The following HTRA3 variants were observed in gnomAD, a reference collection of about 807,000 sequenced individuals.
The protein encoded by HTRA3 is serine protease HTRA3.
HTRA3 carries 41 observed loss-of-function variants against 43.2 expected under a neutral mutation model. The ratio of observed to expected loss-of-function variants is 0.95; its 90% CI spans 0.74 to 1.23. HTRA3 has a LOEUF of 1.23. HTRA3 is among the 50% of genes most tolerant of loss of function. The pLI, the probability that HTRA3 is intolerant of heterozygous loss-of-function variation, is 0.00. For missense variants in HTRA3, 628 were observed against 647.1 expected (o/e 0.97, Z 0.32); for synonymous variants, 295 against 287.9 (o/e 1.02, Z -0.25).
intron 5 of HTRA3, 133 bp from the exon 6 acceptor site, chr4:8,293,954 G>A (rs1375087759): frequency 1.6e-6 from 1 of 614,338 alleles, no homozygotes; most frequent in East Asian, 2.8e-5. Flanking sequence ...GAGCTTTTCA[G>A]GGGAGTTGGG....
rs1578805795 is a variant in HTRA3, at chr4:8,297,613, C to T, written c.1051+3412C>T. ...AGACCTCTCTGAGGAGGTGACCCAC[C>T]TCCAGCAGAGACTGTGGGAAGGGAG... On this transcript the variant is annotated intron_variant, in intron 6 of 8. Coordinates refer to ENST00000307358, the MANE Select transcript of HTRA3 (RefSeq NM_053044.5). The surrounding 1 kb of genome is among the most constrained non-coding windows in gnomAD (Gnocchi z 5.8). 2.0e-5 allele frequency among the ~76,000 whole-genome samples: 3 copies of T among 152,188 alleles called. No individual in the cohort carries two copies. The East Asian group carries it at 5.8e-4, about 30-fold the overall frequency.
At position 8,302,530 on chromosome 4, in the gene HTRA3, C is replaced by T. The variant is rs1409454335; in HGVS notation, c.1100+19C>T. On this transcript the variant is annotated intron_variant, in intron 7 of 8. Coordinates refer to ENST00000307358, the MANE Select transcript of HTRA3 (RefSeq NM_053044.5). ...CACCAAGGTGAGTGTCTGAAGAGTGCCATCCCCTGCTACCCCTTCCTCTCA... is the reference window on the plus strand; with the variant it reads ...CACCAAGGTGAGTGTCTGAAGAGTGTCATCCCCTGCTACCCCTTCCTCTCA... The T allele has an allele frequency of 1.2e-6, 2 of 1,611,508 alleles. No homozygotes were observed. The highest frequency in any genetic ancestry group is 1.7e-6 in the Non-Finnish European group (2 of 1,177,590).
intron 1 of HTRA3, among the ~76,000 whole-genome samples, chr4:8,274,251 G>A (rs559121955): frequency 5.3e-5 from 8 of 152,358 alleles, no homozygotes; most frequent in South Asian, 2.1e-4. Context: ...ACTGCCCGGC[G>A]TTTCCTTCCC....
intron 2 of HTRA3, 81 bp downstream of exon 2, chr4:8,282,617 T>C: frequency 9.2e-7 from 1 of 1,082,084 alleles, no homozygotes; most frequent in Non-Finnish European, 1.4e-6. Context: ...AAACCAGGCT[T>C]GATTCTGCAG....
intron 1 of HTRA3, among the ~76,000 whole-genome samples, chr4:8,275,967 T>C (rs1009199164): frequency 6.6e-6 from 1 of 152,198 alleles, no homozygotes; most frequent in Non-Finnish European, 1.5e-5. Context: ...AGGGTGTTTG[T>C]GGACTAATGG....
Position 8,282,525 on chromosome 4 carries a change from G to A in HTRA3, c.474G>A (p.Glu158=). The change falls in exon 2 of 9, where the codon GAG becomes GAA. Residue 158 remains glutamate, a synonymous_variant. Coordinates refer to ENST00000307358, the MANE Select transcript of HTRA3 (RefSeq NM_053044.5). ...EKIAPAVVHI[E]LFLRHPLFGR... ...TCGCACCAGCCGTGGTCCACATAGA[G>A]CTCTTCCTGAGGTGGGTGAATACCC... is the stretch of plus-strand genomic sequence containing the variant. 5.0e-6 allele frequency: 8 copies of A among 1,613,648 alleles called. No individual in the cohort carries two copies. Among genetic ancestry groups the A allele is most frequent in the Non-Finnish European group, 6.8e-6 (8 of 1,179,640 alleles).
intron 1 of HTRA3, 52 bp downstream of exon 1, chr4:8,270,405 C>G: frequency 7.3e-7 from 1 of 1,363,264 alleles, no homozygotes. Flanking sequence ...CTTGGGGAAA[C>G]TAAGGCCGGG....
chr4:8,298,589 G>T lies in HTRA3; in HGVS notation c.1052-3874G>T, dbSNP rs534585147. On this transcript the variant is annotated intron_variant, in intron 6 of 8. Transcript: ENST00000307358. The stretch of plus-strand genomic sequence containing the variant: ...GTCTTTGCTAACCCAAGATCAGAAA[G>T]ATTTTTCTCCTACAATTTCTTCTAG... 2.0e-5 allele frequency among the ~76,000 whole-genome samples: 3 copies of T among 152,098 alleles called. No individual in the cohort carries two copies. In the South Asian group the frequency reaches 6.2e-4, roughly 32 times the overall value.
chr4:8,302,032 T>G (rs1245209505), intron 6 of HTRA3, among the ~76,000 whole-genome samples: 1 of 152,194 alleles, frequency 6.6e-6, no homozygotes. Context: ...TAGTACTCAC[T>G]GGACATTAGC....
chr4:8,270,257 T>C lies in HTRA3; in HGVS notation c.289T>C (p.Tyr97His). ...HAVCGTDGHT[Y>H]ANVCALQAAS... ...CGTGTGTGGCACCGACGGGCACACC[T>C]ATGCCAACGTGTGCGCGCTGCAGGC... The change falls in exon 1 of 9, where the codon TAT becomes CAT. Residue 97 changes from tyrosine (Y) to histidine (H), a missense_variant. By Grantham distance (83) the Tyr-to-His change is moderately conservative (BLOSUM62 2). Transcript: ENST00000307358. 1 of 1,513,744 alleles carries C rather than the reference T, an allele frequency of 6.6e-7. No individual in the cohort carries two copies. Among genetic ancestry groups the C allele is most frequent in the Non-Finnish European group, 8.8e-7 (1 of 1,139,420 alleles). The allele number at this position is 1,513,744 out of a possible 1,614,324, so 93.8% of individuals were successfully genotyped here. A position where few individuals can be genotyped will look rare whatever the true frequency, so the allele number is the denominator to read the frequency against.
chr4:8,281,989 C>G (rs1463856454), intron 1 of HTRA3, among the ~76,000 whole-genome samples: 1 of 152,152 alleles, frequency 6.6e-6, no homozygotes, highest in Non-Finnish European at 1.5e-5. Flanking sequence ...CCCCAGGGCT[C>G]GGAGGGACCA....
intron 1 of HTRA3, among the ~76,000 whole-genome samples, chr4:8,281,990 G>A (rs577635845): frequency 3.9e-5 from 6 of 152,280 alleles, no homozygotes; most frequent in South Asian, 2.1e-4. Flanking sequence ...CCCAGGGCTC[G>A]GAGGGACCAG....
At position 8,306,014 on chromosome 4, in the gene HTRA3, C is replaced by T. The variant is rs201531880; in HGVS notation, c.1240C>T (p.Arg414Cys). 1.4e-5 allele frequency: 22 copies of T among 1,612,408 alleles called. No homozygotes were observed. Among genetic ancestry groups the T allele is most frequent in the South Asian group, 3.3e-5 (3 of 90,918 alleles). The change falls in exon 9 of 9, where the codon CGT becomes TGT. Residue 414 changes from arginine (R) to cysteine (C), a missense_variant. Physicochemically the swap from Arg to Cys is radical, Grantham distance 180. Coordinates refer to ENST00000307358, the MANE Select transcript of HTRA3 (RefSeq NM_053044.5). This position sits in a 1 kb window ranked among gnomAD's most constrained non-coding sequence, Gnocchi z 8.9. ...TGACATCATCGTCAAGGTCAACGGGCGTCCTCTAGTGGACTCGAGTGAGCT... is the reference window on the plus strand; with the variant it reads ...TGACATCATCGTCAAGGTCAACGGGTGTCCTCTAGTGGACTCGAGTGAGCT... ...DGDIIVKVNG[R>C]PLVDSSELQE... is the part of the protein sequence containing the mutation.
At chr4:8,277,447 A>C (rs1275149746) in intron 1 of HTRA3, among the ~76,000 whole-genome samples, 2 of 143,794 alleles carry the variant, frequency 1.4e-5, no homozygotes, top group African/African-American at 4.9e-5. Flanking sequence ...CCACAGGTAC[A>C]CTCCCAAGGG....
intron 6 of HTRA3, among the ~76,000 whole-genome samples, chr4:8,294,599 T>C (rs377500095): frequency 0.062 from 2 of 32 alleles, no homozygotes; most frequent in African/African-American, 0.25. Flanking sequence ...CATCCATCCA[T>C]CCATCCATCC....
intron 3 of HTRA3, among the ~76,000 whole-genome samples, chr4:8,288,087 G>A (rs1321720655): frequency 6.6e-6 from 1 of 152,178 alleles, no homozygotes; most frequent in African/African-American, 2.4e-5. Context: ...GAAATCTTTT[G>A]CAAGGGGGTT....
intron 1 of HTRA3, among the ~76,000 whole-genome samples, chr4:8,273,131 G>A (rs1025477881): frequency 1.7e-4 from 26 of 152,228 alleles, no homozygotes; most frequent in Non-Finnish European, 3.4e-4. Context: ...GAAGTGACCC[G>A]GCTGGGCCTG....
In HTRA3 at chr4:8,286,875, A is replaced by AC; in HGVS notation, c.708+94dup. 1.0e-6 allele frequency: 1 copy of AC among 956,916 alleles called. No homozygotes were observed. The highest frequency in any genetic ancestry group is 1.6e-5 in the South Asian group (1 of 63,122). The allele number at this position is 956,916 out of a possible 1,614,324, so 59.3% of individuals were successfully genotyped here. A position where few individuals can be genotyped will look rare whatever the true frequency, so the allele number is the denominator to read the frequency against. On this transcript the variant is annotated intron_variant, in intron 3 of 8. Transcript: ENST00000307358. This position sits in a 1 kb window ranked among gnomAD's most constrained non-coding sequence, Gnocchi z 4.9. ...CGGAACCCAGAGGCAAGCTAGCCCC[A>AC]CCTTCCATCAGCCAGGGGGAGGAAA...
At chr4:8,284,401 G>A (rs1036038210) in intron 2 of HTRA3, among the ~76,000 whole-genome samples, 2 of 152,228 alleles carry the variant, frequency 1.3e-5, no homozygotes, top group Non-Finnish European at 2.9e-5. Context: ...GCCCGGCTGG[G>A]AGGCCGTTTC....
Sources: allele counts gnomAD v4.1 joint callset (sites outside exome capture counted in the v4.1 genomes callset), GRCh38; gene constraint gnomAD v4.1.1; non-coding constraint Gnocchi (gnomAD v3.1); transcripts MANE v1.5; gene names NCBI Gene and HGNC (gene_info 2026-07-23, HGNC 2026-07-21).